Variants in TFPI observed in about 807,000 individuals in gnomAD.
TFPI encodes tissue factor pathway inhibitor.
A neutral mutation model predicts 34.6 loss-of-function variants in TFPI; 15 were observed. The observed-to-expected ratio is 0.43, with a 90% CI of 0.29 to 0.67. The LOEUF is 0.67. TFPI is among the 30% of genes least tolerant of loss of function. The pLI, the probability that TFPI is intolerant of heterozygous loss-of-function variation, is 0.15. For synonymous variants in TFPI, 105 were observed against 120.1 expected, an observed-to-expected ratio of 0.87 and a Z score of 0.82; for missense variants, 301 against 364.0, an observed-to-expected ratio of 0.83 and a Z score of 1.41.
Position 187,530,759 on chromosome 2 carries a change from G to A in TFPI, c.-3+23441C>T, listed in dbSNP as rs551661895. On this transcript the variant is annotated intron_variant, in intron 1 of 7. Transcript: ENST00000233156. ...ATGGGAATCATGTTTGTTCTTTCTG[G>A]TACCCTCTGGAACTCAATGGATATT... is the stretch of plus-strand genomic sequence containing the variant. Among the ~76,000 whole-genome samples the A allele has an allele frequency of 4.7e-3, 714 of 151,980 alleles. 2 individuals are homozygous for A. Among genetic ancestry groups the A allele is most frequent in the Non-Finnish European group, 8.3e-3 (562 of 67,978 alleles).
At chr2:187,488,108 C>T (rs1171832035) in intron 4 of TFPI, among the ~76,000 whole-genome samples, 2 of 151,114 alleles carry the variant, frequency 1.3e-5, no homozygotes, top group Non-Finnish European at 3.0e-5. Flanking sequence ...TGATTATGTC[C>T]ATTGAATCAT....
At chr2:187,475,069 C>G (rs1692286264) in intron 6 of TFPI, among the ~76,000 whole-genome samples, 1 of 152,098 alleles carries the variant, frequency 6.6e-6, no homozygotes, top group African/African-American at 2.4e-5. Context: ...TTGAAGTCAC[C>G]TATTTATTTA....
chr2:187,478,884 G>T, intron 6 of TFPI: 1 of 1,195,034 alleles, frequency 8.4e-7, no homozygotes, highest in East Asian at 2.4e-5. Flanking sequence ...GAGGGTGGGG[G>T]AAGTCTATAA....
chr2:187,539,992 G>A (rs561090620), intron 1 of TFPI, among the ~76,000 whole-genome samples: 2 of 150,062 alleles, frequency 1.3e-5, no homozygotes, highest in Middle Eastern at 6.8e-3. Context: ...TCCGCCTCCC[G>A]GGTTCAAGCA....
intron 1 of TFPI, among the ~76,000 whole-genome samples, chr2:187,552,191 T>C (rs10197436): frequency 0.03 from 4,545 of 152,066 alleles, 196 homozygotes; most frequent in African/African-American, 0.094. Context: ...AGTTGAAAGA[T>C]ACCTTAAAAT....
At chr2:187,511,358 G>T (rs1260090122) in intron 1 of TFPI, among the ~76,000 whole-genome samples, 1 of 152,130 alleles carries the variant, frequency 6.6e-6, no homozygotes, top group African/African-American at 2.4e-5. Flanking sequence ...TTTTGACCTG[G>T]CTTGGATTTC....
At chr2:187,482,048 T>C (rs1425472722) in intron 6 of TFPI, among the ~76,000 whole-genome samples, 4 of 152,042 alleles carry the variant, frequency 2.6e-5, no homozygotes, top group Non-Finnish European at 5.9e-5. Context: ...TAATTTTTAT[T>C]TTGCCCTTTC....
rs1406402928 is a variant in TFPI, at chr2:187,467,002, G to A, written c.849C>T (p.Thr283=). Residue 283 remains threonine, a synonymous_variant, in exon 8 of 8, where the codon ACC becomes ACT. Transcript: ENST00000233156. ...CTCTCTGCTTCTTTCTTTTTCTTTT[G>A]GTTTTAATTAGGCCTCCTTTTGATA... ...QRISKGGLIK[T]KRKRKKQRVK... The A allele has an allele frequency of 1.3e-6, 2 of 1,586,630 alleles. No individual in the cohort carries two copies. Among genetic ancestry groups the A allele is most frequent in the Admixed American group, 3.5e-5 (2 of 57,008 alleles).
At position 187,488,375 on chromosome 2, in the gene TFPI, T is replaced by C; in HGVS notation, c.320A>G (p.Asp107Gly). 1 of 1,547,276 alleles carries C rather than the reference T, an allele frequency of 6.5e-7. No individual in the cohort carries two copies. Among genetic ancestry groups the C allele is most frequent in the Non-Finnish European group, 8.7e-7 (1 of 1,150,540 alleles). ...TGTCTTTATAATCCTGTTTGCATTA[T>C]CTGTAATCAAAAGAATATATGCATA... ...LEECKKMCTR[D>G]NANRIIKTTL... Residue 107 changes from aspartate to glycine, a missense_variant and splice_region_variant, in exon 4 of 8, where the codon GAT (aspartate) becomes GGT (glycine). Physicochemically the swap from Asp to Gly is moderately conservative, Grantham distance 94. Transcript: ENST00000233156.
At chr2:187,547,485 G>T (rs532149262) in intron 1 of TFPI, 1 of 152,230 alleles carries the variant, frequency 6.6e-6, no homozygotes, top group South Asian at 2.1e-4. Context: ...TCTGGGAGGG[G>T]TCTGAGTTTG....
intron 1 of TFPI, among the ~76,000 whole-genome samples, chr2:187,533,128 T>C (rs1257619470): frequency 1.3e-5 from 2 of 152,166 alleles, no homozygotes; most frequent in African/African-American, 4.8e-5. Flanking sequence ...GGGGTGGATG[T>C]GGACACAGCT....
At chr2:187,491,196 A>C (rs1318549124) in intron 3 of TFPI, among the ~76,000 whole-genome samples, 1 of 151,528 alleles carries the variant, frequency 6.6e-6, no homozygotes, top group Non-Finnish European at 1.5e-5. Flanking sequence ...TTAAAAATTT[A>C]TTTCTTTTTT....
In TFPI at chr2:187,491,149, G is replaced by C. The variant is rs8176489; in HGVS notation, c.320-2774C>G. Among the ~76,000 whole-genome samples, 264 of 151,654 alleles carry C rather than the reference G, an allele frequency of 1.7e-3. 3 individuals carry two copies. Among genetic ancestry groups the C allele is most frequent in the African/African-American group, 6.1e-3 (253 of 41,406 alleles). Reference sequence around the variant, plus strand: ...ATTTTAAGAAGTAGATTACTGATTGGCACTTTTTTTCTCTTTCAGTTCTTT... The same window carrying C: ...ATTTTAAGAAGTAGATTACTGATTGCCACTTTTTTTCTCTTTCAGTTCTTT... On this transcript the variant is annotated intron_variant, in intron 3 of 7. Coordinates refer to ENST00000233156, the MANE Select transcript of TFPI (RefSeq NM_006287.6).
rs1271862135 is a variant in TFPI at position 187,478,702 on chromosome 2, A to G, written c.628+5422T>C. On this transcript the variant is annotated intron_variant, in intron 6 of 7. Coordinates refer to ENST00000233156, the MANE Select transcript of TFPI (RefSeq NM_006287.6). ...TAACATAGGCATGAAATGCTATCCAATCCTAGAAAGAACATGGATGCATGA... is the reference window on the plus strand; with the variant it reads ...TAACATAGGCATGAAATGCTATCCAGTCCTAGAAAGAACATGGATGCATGA... The G allele has an allele frequency of 3.1e-6, 5 of 1,613,462 alleles. No individual in the cohort carries two copies. The South Asian group carries it at 4.4e-5, about 14-fold the overall frequency.
chr2:187,467,863 A>C lies in TFPI; in HGVS notation c.698T>G (p.Phe233Cys). 6.2e-7 allele frequency: 1 copy of C among 1,612,706 alleles called. No homozygotes were observed. Among genetic ancestry groups the C allele is most frequent in the Non-Finnish European group, 8.5e-7 (1 of 1,179,332 alleles). Residue 233 changes from phenylalanine (F) to cysteine (C), a missense_variant, in exon 7 of 8, where the codon TTC becomes TGC. Coordinates refer to ENST00000233156, the MANE Select transcript of TFPI (RefSeq NM_006287.6). ...TTTCCCAATGACTGAATTGTAGTAG[A>C]ATCTGTTCTCATTGGCACGACACAA... ...RGLCRANENR[F>C]YYNSVIGKCR...
chr2:187,519,132 G>A (rs1024032170), intron 1 of TFPI: 6 of 152,122 alleles, frequency 3.9e-5, no homozygotes, highest in African/African-American at 1.4e-4. Context: ...ACCTTCTGAA[G>A]CCTACTTCTG....
intron 4 of TFPI, among the ~76,000 whole-genome samples, chr2:187,485,326 GTTCATGTGTATTAACAT>G (rs1014258316): frequency 6.6e-6 from 1 of 151,728 alleles, no homozygotes; most frequent in African/African-American, 2.4e-5. Context: ...TTTTTAATAT[GTTCATGTGTATTAACAT>G]TTAGGGAAGG....
chr2:187,494,869 C>T lies in TFPI; in HGVS notation c.319+2012G>A, dbSNP rs542192395. ...TCCTGAGTAGCTGGGACTACAGGCACATGCCACCATACCCAGCTAATTTTT... is the reference window on the plus strand; with the variant it reads ...TCCTGAGTAGCTGGGACTACAGGCATATGCCACCATACCCAGCTAATTTTT... On this transcript the variant is annotated intron_variant, in intron 3 of 7. Coordinates refer to ENST00000233156, the MANE Select transcript of TFPI (RefSeq NM_006287.6). Among the ~76,000 whole-genome samples, 38 of 152,214 alleles carry T rather than the reference C, an allele frequency of 2.5e-4. No homozygotes were observed. The South Asian group carries it at 7.5e-3, about 30-fold the overall frequency.
chr2:187,481,519 A>G (rs1181060111), intron 6 of TFPI, among the ~76,000 whole-genome samples: 1 of 152,024 alleles, frequency 6.6e-6, no homozygotes, highest in Non-Finnish European at 1.5e-5. Context: ...CAGATTCGAA[A>G]TCACGTAGGT....
Sources: allele counts gnomAD v4.1 joint callset (sites outside exome capture counted in the v4.1 genomes callset), GRCh38; gene constraint gnomAD v4.1.1; transcripts MANE v1.5; gene names NCBI Gene and HGNC (gene_info 2026-07-23, HGNC 2026-07-21).